The following HSPA12A variants were observed in gnomAD, a reference collection of about 807,000 sequenced individuals.
HSPA12A encodes the protein heat shock 70 kDa protein 12A.
A neutral mutation model predicts 69.2 loss-of-function variants in HSPA12A; 28 were observed. The ratio of observed to expected loss-of-function variants is 0.40; its 90% confidence interval spans 0.30 to 0.55. The LOEUF (loss-of-function observed/expected upper bound fraction) is 0.55. HSPA12A is among the 20% of genes least tolerant of loss of function. The pLI is 0.38. For missense variants in HSPA12A, 686 were observed against 900.7 expected (o/e 0.76, Z 3.05); for synonymous variants, 345 against 370.5 (o/e 0.93, Z 0.79).
Position 116,766,795 on chromosome 10 carries a change from C to T in HSPA12A, c.92-59510G>A, listed in dbSNP as rs569797635. The stretch of plus-strand genomic sequence containing the variant: ...CAAATAATCTTTTACCTACTCTGGC[C>T]GCATCATTTAATAACTAACAATTTT... On this transcript the variant is annotated intron_variant, in intron 2 of 12. Coordinates refer to the HSPA12A transcript ENST00000635765. Among the ~76,000 whole-genome samples the T allele has an allele frequency of 2.1e-4, 32 of 152,242 alleles. 2 individuals carry two copies. The South Asian group carries it at 6.6e-3, about 32-fold the overall frequency.
At chr10:116,676,963 C>T (rs2133356368) in intron 10 of HSPA12A, among the ~76,000 whole-genome samples, 1 of 152,346 alleles carries the variant, frequency 6.6e-6, no homozygotes, top group Middle Eastern at 3.4e-3. Context: ...AAGCCTAATT[C>T]TACTAGGTGG....
chr10:116,680,099 T>G (rs1342432233), intron 9 of HSPA12A, among the ~76,000 whole-genome samples: 4 of 152,202 alleles, frequency 2.6e-5, no homozygotes, highest in Admixed American at 6.5e-5. Context: ...GAAGTGATTC[T>G]CCTGCTTCAG....
rs550512870 is a variant in HSPA12A, at chr10:116,700,682, G to A, written c.441+261C>T. On this transcript the variant is annotated intron_variant, in intron 4 of 11. Coordinates refer to ENST00000369209, the MANE Select transcript of HSPA12A (RefSeq NM_025015.3). ...GTATAACCAGGGTCTACTCTGATAG[G>A]TCCATTTCCAAGACAAACGAGTTGT... Among the ~76,000 whole-genome samples, 10 of 152,254 alleles carry A rather than the reference G, an allele frequency of 6.6e-5. No homozygotes were observed. The East Asian group carries it at 1.9e-3, about 29-fold the overall frequency.
chr10:116,714,100 T>G (rs559090975), intron 1 of HSPA12A, among the ~76,000 whole-genome samples: 1 of 151,528 alleles, frequency 6.6e-6, no homozygotes, highest in Non-Finnish European at 1.5e-5. Context: ...GATGGACGGA[T>G]GGATGGGTTG....
rs549289153 is a variant in HSPA12A at position 116,767,698 on chromosome 10, C to T, written c.92-60413G>A. Among the ~76,000 whole-genome samples, 11 of 152,334 alleles carry T rather than the reference C, an allele frequency of 7.2e-5. No homozygotes were observed. The South Asian group carries it at 2.3e-3, about 32-fold the overall frequency. On this transcript the variant is annotated intron_variant, in intron 2 of 12. Coordinates refer to the HSPA12A transcript ENST00000635765. ...TGGCTCAGAACCCAGACTCAGAAGT[C>T]CAGGCCACAAGGGGGCTTTAACCAA...
chr10:116,729,519 C>A (rs1021547049), intron 1 of HSPA12A, among the ~76,000 whole-genome samples: 31 of 152,098 alleles, frequency 2.0e-4, no homozygotes, highest in African/African-American at 7.5e-4. Context: ...TTGACCCCCC[C>A]AAAACTTAAC....
chr10:116,776,319 C>T (rs534115647), intron 2 of HSPA12A, among the ~76,000 whole-genome samples: 3 of 152,284 alleles, frequency 2.0e-5, no homozygotes, highest in South Asian at 4.1e-4. Flanking sequence ...CGCTTCCTCC[C>T]GCTGGTCTCA....
chr10:116,762,351 G>A (rs1843990709), intron 2 of HSPA12A, among the ~76,000 whole-genome samples: 1 of 152,164 alleles, frequency 6.6e-6, no homozygotes, highest in African/African-American at 2.4e-5. Context: ...GCAAAGGTGT[G>A]TATGTTTTTC....
At chr10:116,776,320 G>A (rs369517432) in intron 2 of HSPA12A, among the ~76,000 whole-genome samples, 4 of 152,136 alleles carry the variant, frequency 2.6e-5, no homozygotes, top group Non-Finnish European at 4.4e-5. Flanking sequence ...GCTTCCTCCC[G>A]CTGGTCTCAC....
chr10:116,850,049 G>C, upstream of HSPA12A: 2 of 508,574 alleles, frequency 3.9e-6, no homozygotes, highest in Non-Finnish European at 7.1e-6. Flanking sequence ...TTGTGGGCCG[G>C]CCCACCGCCC....
At chr10:116,805,930 A>G (rs1453941727) in intron 2 of HSPA12A, among the ~76,000 whole-genome samples, 2 of 152,222 alleles carry the variant, frequency 1.3e-5, no homozygotes, top group Non-Finnish European at 2.9e-5. Flanking sequence ...AGGATGCCTG[A>G]GCGTAAATGC....
chr10:116,809,689 T>C (rs1473112085), intron 2 of HSPA12A, among the ~76,000 whole-genome samples: 1 of 152,218 alleles, frequency 6.6e-6, no homozygotes, highest in Non-Finnish European at 1.5e-5. Flanking sequence ...GGTTCCAATA[T>C]TTGCTGTGCC....
chr10:116,726,840 C>A (rs1356701266), intron 1 of HSPA12A, among the ~76,000 whole-genome samples: 1 of 152,218 alleles, frequency 6.6e-6, no homozygotes, highest in African/African-American at 2.4e-5. Flanking sequence ...CTCCACCCTC[C>A]AGCCTTAACT....
intron 6 of HSPA12A, 28 bp from the exon 7 acceptor site, chr10:116,683,990 C>G (rs374767465): frequency 4.6e-6 from 7 of 1,528,604 alleles, no homozygotes; most frequent in Non-Finnish European, 6.2e-6. Context: ...AGGCTGGGAC[C>G]CAGGGCCCCC....
At chr10:116,798,049 T>G (rs1844869798) in intron 2 of HSPA12A, among the ~76,000 whole-genome samples, 1 of 52,076 alleles carries the variant, frequency 1.9e-5, no homozygotes, top group African/African-American at 4.1e-5. Flanking sequence ...GAACTATTTC[T>G]GGAGAGAGGC....
intron 2 of HSPA12A, among the ~76,000 whole-genome samples, chr10:116,752,609 A>G (rs1460748523): frequency 6.6e-6 from 1 of 152,244 alleles, no homozygotes; most frequent in Non-Finnish European, 1.5e-5. Flanking sequence ...GAAATTTACA[A>G]GAAAATTTCA....
At chr10:116,680,713 T>C (rs891412895) in intron 9 of HSPA12A, among the ~76,000 whole-genome samples, 1 of 152,224 alleles carries the variant, frequency 6.6e-6, no homozygotes, top group Non-Finnish European at 1.5e-5. Context: ...CTCCAACTCC[T>C]GACCTCAAGT....
At chr10:116,795,217 A>G (rs1379489064) in intron 2 of HSPA12A, among the ~76,000 whole-genome samples, 1 of 152,152 alleles carries the variant, frequency 6.6e-6, no homozygotes, top group Non-Finnish European at 1.5e-5. Flanking sequence ...TCCCAAGGCA[A>G]TATTTCTCCA....
At chr10:116,722,581 G>A (rs1850814890) in intron 1 of HSPA12A, among the ~76,000 whole-genome samples, 3 of 152,062 alleles carry the variant, frequency 2.0e-5, no homozygotes, top group African/African-American at 4.8e-5. Context: ...AACCAGGGCC[G>A]ATGTGAAACA....
Sources: gnomAD v4.1 joint callset for allele counts (sites outside exome capture counted in the v4.1 genomes callset) on GRCh38, gnomAD v4.1.1 for gene constraint, MANE v1.5 for transcripts, NCBI Gene and HGNC (gene_info 2026-07-23, HGNC 2026-07-21) for gene names.